Variants in MBNL1 observed in about 807,000 individuals in gnomAD.
MBNL1 encodes muscleblind like splicing regulator 1, also known as muscleblind-like protein 1.
A neutral mutation model predicts 42.2 loss-of-function variants in MBNL1; 8 were observed. The ratio of observed to expected loss-of-function variants is 0.19; its 90% CI spans 0.11 to 0.34. The LOEUF is 0.34. Ranked by LOEUF, MBNL1 falls within the 10% of genes least tolerant of loss-of-function variation. The pLI is 1.00. For synonymous variants in MBNL1, 169 were observed against 173.9 expected (o/e 0.97, Z 0.22); for missense variants, 309 against 495.3 (o/e 0.62, Z 3.57).
intron 2 of MBNL1, among the ~76,000 whole-genome samples, chr3:152,306,689 C>G (rs576766848): frequency 1.3e-5 from 2 of 152,126 alleles, no homozygotes; most frequent in Non-Finnish European, 2.9e-5. Context: ...GTAGGTAAGA[C>G]AGAAGGGGAG....
chr3:152,348,310 C>T (rs779953101), intron 2 of MBNL1, among the ~76,000 whole-genome samples: 3 of 152,064 alleles, frequency 2.0e-5, no homozygotes, highest in Non-Finnish European at 2.9e-5. Context: ...TGTGTATTTA[C>T]TGAATAAATG....
At chr3:152,407,192 A>T (rs79823913) in intron 2 of MBNL1, among the ~76,000 whole-genome samples, 8,394 of 134,596 alleles carry the variant, frequency 0.062, 770 homozygotes, top group East Asian at 0.31. Flanking sequence ...CTGGGATTAT[A>T]TCAGTGGAAA....
intron 2 of MBNL1, among the ~76,000 whole-genome samples, chr3:152,307,180 G>C (rs1005027944): frequency 5.3e-5 from 8 of 152,150 alleles, no homozygotes; most frequent in Non-Finnish European, 1.0e-4. Context: ...AGTAGAGACA[G>C]GGTTTCACCG....
chr3:152,329,925 T>C (rs1170344966), intron 2 of MBNL1, among the ~76,000 whole-genome samples: 1 of 151,870 alleles, frequency 6.6e-6, no homozygotes, highest in African/African-American at 2.4e-5. Context: ...AAGGATTATT[T>C]CTATGAATTC....
intron 5 of MBNL1, among the ~76,000 whole-genome samples, chr3:152,447,011 T>C (rs1277906084): frequency 6.6e-6 from 1 of 152,190 alleles, no homozygotes; most frequent in East Asian, 1.9e-4. Flanking sequence ...TAGAATGTTC[T>C]GAAGAAATAG....
chr3:152,457,796 G>A (rs1736730326), intron 8 of MBNL1: 2 of 247,946 alleles, frequency 8.1e-6, no homozygotes, highest in Non-Finnish European at 7.9e-6. Flanking sequence ...AGAATTGCTG[G>A]TGTAAGCAGA....
chr3:152,382,851 G>A (rs2097240462), intron 2 of MBNL1, among the ~76,000 whole-genome samples: 1 of 151,922 alleles, frequency 6.6e-6, no homozygotes, highest in African/African-American at 2.4e-5. Context: ...TAACATTCTG[G>A]TTCTATAATG....
At chr3:152,431,777 A>C (rs1194733707) in intron 3 of MBNL1, among the ~76,000 whole-genome samples, 1 of 152,260 alleles carries the variant, frequency 6.6e-6, no homozygotes, top group Non-Finnish European at 1.5e-5. Flanking sequence ...AAAATGTACT[A>C]TGAATAAGGT....
At chr3:152,365,512 A>C (rs2096299229) in intron 2 of MBNL1, among the ~76,000 whole-genome samples, 1 of 152,182 alleles carries the variant, frequency 6.6e-6, no homozygotes, top group South Asian at 2.1e-4. Context: ...CTTTAAGCTC[A>C]GTTTATCTTA....
intron 9 of MBNL1, among the ~76,000 whole-genome samples, chr3:152,460,876 AC>A (rs1744550712): frequency 6.6e-6 from 1 of 152,158 alleles, no homozygotes; most frequent in South Asian, 2.1e-4. Flanking sequence ...TGTGTTAGTT[AC>A]CATGGCAAGG....
chr3:152,247,796 T>A (rs2033474794), intron 2 of MBNL1, among the ~76,000 whole-genome samples: 1 of 151,976 alleles, frequency 6.6e-6, no homozygotes, highest in Admixed American at 6.6e-5. Context: ...TTTTTGCTTT[T>A]AATATTATGG....
At chr3:152,338,725 C>T (rs571958640) in intron 2 of MBNL1, 5 of 975,856 alleles carry the variant, frequency 5.1e-6, no homozygotes, top group Middle Eastern at 5.3e-4. Context: ...AAACAAAACC[C>T]TGTAGCTATG....
chr3:152,331,127 T>G (rs2084155500), intron 2 of MBNL1, among the ~76,000 whole-genome samples: 2 of 152,008 alleles, frequency 1.3e-5, no homozygotes, highest in African/African-American at 4.8e-5. Context: ...CTTCCCTGTC[T>G]TACTCCCTCG....
chr3:152,445,475 A>T lies in MBNL1; in HGVS notation c.743A>T (p.Lys248Met). The T allele has an allele frequency of 6.2e-7, 1 of 1,600,938 alleles. No homozygotes were observed. Among genetic ancestry groups the T allele is most frequent in the Middle Eastern group, 1.7e-4 (1 of 5,968 alleles). ...CCTGCACATTTGCAAGCCAAGATCA[A>T]GGCTGCCCAATACCAGGTCAACCAG... ...HPPAHLQAKIKAAQYQVNQAA... is the reference protein window; with the variant it reads ...HPPAHLQAKIMAAQYQVNQAA... The change falls in exon 5 of 10, where the codon AAG becomes ATG. Residue 248 changes from lysine to methionine, a missense_variant. Coordinates refer to ENST00000324210, the MANE Select transcript of MBNL1 (RefSeq NM_021038.5).
At chr3:152,448,799 TAA>T (rs1715713475) in intron 6 of MBNL1, among the ~76,000 whole-genome samples, 1 of 152,176 alleles carries the variant, frequency 6.6e-6, no homozygotes, top group African/African-American at 2.4e-5. Flanking sequence ...ATACTAACCA[TAA>T]GTTTTATACA....
chr3:152,318,057 G>A (rs1577755255), intron 2 of MBNL1, among the ~76,000 whole-genome samples: 1 of 152,164 alleles, frequency 6.6e-6, no homozygotes, highest in South Asian at 2.1e-4. Context: ...GTTGTTACAG[G>A]ATACAGAGAA....
intron 2 of MBNL1, among the ~76,000 whole-genome samples, chr3:152,355,652 T>G (rs915559187): frequency 2.0e-5 from 3 of 152,242 alleles, no homozygotes; most frequent in African/African-American, 7.2e-5. Context: ...TAATTTTTTA[T>G]TAGTATGCAA....
chr3:152,343,313 A>AAG (rs1274826849), intron 2 of MBNL1, among the ~76,000 whole-genome samples: 2 of 152,062 alleles, frequency 1.3e-5, no homozygotes, highest in African/African-American at 2.4e-5. Flanking sequence ...TCCAGTCCTG[A>AAG]AGAGAGAGAG....
At chr3:152,385,122 A>G (rs1380794175) in intron 2 of MBNL1, among the ~76,000 whole-genome samples, 1 of 152,092 alleles carries the variant, frequency 6.6e-6, no homozygotes, top group Non-Finnish European at 1.5e-5. Flanking sequence ...TGTGATTTGC[A>G]TCTTTGCTGT....
Sources: allele counts gnomAD v4.1 joint callset (sites outside exome capture counted in the v4.1 genomes callset), GRCh38; gene constraint gnomAD v4.1.1; transcripts MANE v1.5; gene names NCBI Gene and HGNC (gene_info 2026-07-23, HGNC 2026-07-21).